The following ADGRE2 variants were observed in gnomAD, a reference collection of about 807,000 sequenced individuals.
ADGRE2 encodes the protein adhesion G protein-coupled receptor E2.
Under a neutral mutation model 100.8 loss-of-function variants are expected in ADGRE2, and 83 were observed. The observed-to-expected ratio is 0.82, with a 90% CI of 0.69 to 0.99. ADGRE2 has a LOEUF of 0.99. ADGRE2 is among the 50% of genes least tolerant of loss of function. ADGRE2 has a pLI of 0.00. For synonymous variants in ADGRE2, 355 were observed against 413.0 expected (o/e 0.86, Z 1.70); for missense variants, 814 against 1,035.7 (o/e 0.79, Z 2.94).
At chr19:14,772,165 C>T in intron 5 of ADGRE2, 177 bp downstream of exon 5, 1 of 873,706 alleles carries the variant, frequency 1.1e-6, no homozygotes, top group Non-Finnish European at 1.7e-6. Context: ...TTCCCTTGGC[C>T]TTCACACCAC....
the ADGRE2 span, among the ~76,000 whole-genome samples, chr19:14,726,279 A>G: frequency 0.12 from 18,349 of 152,034 alleles, 1,316 homozygotes; most frequent in African/African-American, 0.2. Flanking sequence ...CCGCTAAATC[A>G]TTCTTTTCTC....
At chr19:14,776,415 T>A (rs2044441388) in intron 2 of ADGRE2, 4 of 314,286 alleles carry the variant, frequency 1.3e-5, no homozygotes, top group Non-Finnish European at 2.4e-5. Context: ...TTTTGCCCCT[T>A]TCCTTCCCCC....
chr19:14,772,448 C>T lies in ADGRE2; in HGVS notation c.249G>A (p.Ser83=), dbSNP rs146398083. The T allele has an allele frequency of 9.9e-5, 160 of 1,613,966 alleles. 1 individual carries two copies. The East Asian group carries it at 2.5e-3, about 26-fold the overall frequency. ...TLSKVSCGKF[S]DCWNTEGSYD... is the part of the protein sequence containing the mutation. The stretch of plus-strand genomic sequence containing the variant: ...AGCTCCCCTCTGTGTTCCAGCAGTC[C>T]GAGAATTTTCCGCATGACACTTTCG... The change falls in exon 5 of 21, where the codon TCG becomes TCA. Residue 83 remains serine (S), a synonymous_variant. Transcript: ENST00000315576.
intron 4 of ADGRE2, among the ~76,000 whole-genome samples, chr19:14,773,209 G>A (rs558421396): frequency 5.3e-4 from 79 of 149,704 alleles, no homozygotes; most frequent in African/African-American, 1.9e-3. Context: ...AGATTCCTGA[G>A]CACGCAGCTT....
At chr19:14,763,334 C>T (rs1247793385) in intron 11 of ADGRE2, among the ~76,000 whole-genome samples, 1 of 151,782 alleles carries the variant, frequency 6.6e-6, no homozygotes, top group Admixed American at 6.6e-5. Flanking sequence ...CAGAGTGAGA[C>T]TCTGTCTCAA....
chr19:14,753,256 A>C (rs761478100), intron 14 of ADGRE2, among the ~76,000 whole-genome samples: 17 of 151,956 alleles, frequency 1.1e-4, no homozygotes, highest in Non-Finnish European at 2.2e-4. Context: ...GCTCTACAGC[A>C]ATGCAGGTTT....
chr19:14,762,596 C>T (rs966060462), intron 11 of ADGRE2, among the ~76,000 whole-genome samples: 1 of 151,468 alleles, frequency 6.6e-6, no homozygotes, highest in Non-Finnish European at 1.5e-5. Context: ...ATACTAGATT[C>T]TACCGAAACA....
Position 14,732,630 on chromosome 19 carries a change from T to G in ADGRE2, c.*3606A>C, listed in dbSNP as rs1366437534. 1 of 152,204 alleles carries G rather than the reference T, an allele frequency of 6.6e-6. No individual in the cohort carries two copies. Among genetic ancestry groups the G allele is most frequent in the Non-Finnish European group, 1.5e-5 (1 of 68,050 alleles). The allele number at this position is 152,204 out of a possible 1,614,324, so 9.4% of individuals were successfully genotyped here. ...GTACAGCTAAGAATAGTTTTTACATTTTTCAAATGGGTGAAAACAAATAAA... is the reference window on the plus strand; with the variant it reads ...GTACAGCTAAGAATAGTTTTTACATGTTTCAAATGGGTGAAAACAAATAAA... On this transcript the variant is annotated 3_prime_UTR_variant, in exon 21 of 21. Coordinates refer to ENST00000315576, the MANE Select transcript of ADGRE2 (RefSeq NM_013447.4).
Position 14,735,951 on chromosome 19 carries a change from G to T in ADGRE2, c.*285C>A. The T allele has an allele frequency of 3.4e-6, 1 of 294,988 alleles. No individual in the cohort carries two copies. Among genetic ancestry groups the T allele is most frequent in the African/African-American group, 2.2e-5 (1 of 46,004 alleles). 18.3% of individuals were successfully genotyped at this position (294,988 alleles called of 1,614,324 possible). On this transcript the variant is annotated 3_prime_UTR_variant, in exon 21 of 21. Coordinates refer to ENST00000315576, the MANE Select transcript of ADGRE2 (RefSeq NM_013447.4). ...GAGAGGCTGTGAAAGAGGTCTTAAC[G>T]TTCTATAGCTTCATAAATATTGTGC...
intron 1 of ADGRE2, among the ~76,000 whole-genome samples, chr19:14,777,246 A>AG (rs777921433): frequency 2.6e-5 from 4 of 152,188 alleles, no homozygotes; most frequent in Admixed American, 6.5e-5. Context: ...CCACTTTGGT[A>AG]GGGCTCACCC....
At chr19:14,755,371 C>T (rs1311742558) in intron 13 of ADGRE2, among the ~76,000 whole-genome samples, 7 of 151,910 alleles carry the variant, frequency 4.6e-5, no homozygotes, top group Admixed American at 2.6e-4. Context: ...GAGAATCGCT[C>T]GAACCTGGGA....
chr19:14,769,858 C>T (rs370656736), intron 5 of ADGRE2, among the ~76,000 whole-genome samples: 1 of 152,114 alleles, frequency 6.6e-6, no homozygotes, highest in South Asian at 2.1e-4. Context: ...CCACCACGCC[C>T]AGCTAATTTT....
intron 10 of ADGRE2, among the ~76,000 whole-genome samples, chr19:14,765,074 C>T (rs2043904241): frequency 6.6e-6 from 1 of 152,172 alleles, no homozygotes; most frequent in South Asian, 2.1e-4. Context: ...GTTATGGCCC[C>T]TCAGAGGCCA....
At position 14,755,719 on chromosome 19, in the gene ADGRE2, C is replaced by G. The variant is rs1343587411; in HGVS notation, c.1351G>C (p.Ala451Pro). The G allele has an allele frequency of 5.0e-6, 8 of 1,614,166 alleles. No individual in the cohort carries two copies. The highest frequency in any genetic ancestry group is 5.9e-6 in the Non-Finnish European group (7 of 1,180,030). ...TGGGTGTCGTTGTTGCTCAGAAAGG[C>G]AGAGATCACATCTGAGAGCAGGATG... is the stretch of plus-strand genomic sequence containing the variant. The part of the protein sequence containing the change: ...SPILLSDVIS[A>P]FLSNNDTQNL... Residue 451 changes from alanine to proline, a missense_variant, in exon 13 of 21, where the codon GCC becomes CCC. Transcript: ENST00000315576.
In ADGRE2 at chr19:14,764,114, G is replaced by A. The variant is rs1313885580; in HGVS notation, c.1084+319C>T. ...GTCTTGCCCTGTGAACCAGGCTGGAGTACAGTGATGCAATCATAGTTCACT... is the reference window on the plus strand; with the variant it reads ...GTCTTGCCCTGTGAACCAGGCTGGAATACAGTGATGCAATCATAGTTCACT... On this transcript the variant is annotated intron_variant, in intron 11 of 20. Transcript: ENST00000315576. Among the ~76,000 whole-genome samples the A allele has an allele frequency of 2.6e-5, 4 of 151,830 alleles. No homozygotes were observed. The East Asian group carries it at 7.7e-4, about 29-fold the overall frequency.
intron 11 of ADGRE2, among the ~76,000 whole-genome samples, chr19:14,760,050 C>T (rs891345277): frequency 6.6e-6 from 1 of 151,504 alleles, no homozygotes; most frequent in Non-Finnish European, 1.5e-5. Flanking sequence ...GATCTCCTGA[C>T]CTCGTGATCC....
chr19:14,757,936 T>C (rs1159486523), intron 11 of ADGRE2, among the ~76,000 whole-genome samples: 2 of 152,252 alleles, frequency 1.3e-5, no homozygotes, highest in African/African-American at 4.8e-5. Flanking sequence ...CCTGAGTAGC[T>C]AGGATTACAG....
At chr19:14,743,209 A>G (rs2042981206) in intron 20 of ADGRE2, among the ~76,000 whole-genome samples, 1 of 151,978 alleles carries the variant, frequency 6.6e-6, no homozygotes, top group Non-Finnish European at 1.5e-5. Flanking sequence ...AAATGCTGGG[A>G]TGACAGTGAT....
At chr19:14,744,757 C>T (rs12327734) in intron 18 of ADGRE2, among the ~76,000 whole-genome samples, 2,340 of 151,986 alleles carry the variant, frequency 0.015, 61 homozygotes, top group African/African-American at 0.053. Flanking sequence ...GCCTGGCCCC[C>T]GTAAAGGATT....
Sources: allele counts gnomAD v4.1 joint callset (sites outside exome capture counted in the v4.1 genomes callset), GRCh38; gene constraint gnomAD v4.1.1; transcripts MANE v1.5; gene names NCBI Gene and HGNC (gene_info 2026-07-23, HGNC 2026-07-21).